The following TTC6 variants were observed in gnomAD, a reference collection of about 807,000 sequenced individuals.
TTC6 encodes the protein tetratricopeptide repeat protein 6.
A neutral mutation model predicts 210.4 loss-of-function variants in TTC6; 172 were observed. That is an observed-to-expected ratio of 0.82 (90% confidence interval 0.72 to 0.93). The LOEUF (loss-of-function observed/expected upper bound fraction) is 0.93. Ranked by LOEUF, TTC6 falls within the 40% of genes least tolerant of loss-of-function variation. The pLI, the probability that TTC6 is intolerant of heterozygous loss-of-function variation, is 0.00. For missense variants in TTC6, 2,414 were observed against 2,318.1 expected (o/e 1.04, Z -0.85); for synonymous variants, 804 against 819.6 (o/e 0.98, Z 0.32).
At chr14:37,634,579 G>A (rs536862722) in intron 1 of TTC6, among the ~76,000 whole-genome samples, 2 of 152,210 alleles carry the variant, frequency 1.3e-5, no homozygotes, top group Admixed American at 1.3e-4. Flanking sequence ...AGAAATAATG[G>A]CTAGAAACTT....
At chr14:37,659,654 G>A (rs1447686077) in intron 1 of TTC6, among the ~76,000 whole-genome samples, 1 of 152,034 alleles carries the variant, frequency 6.6e-6, no homozygotes, top group African/African-American at 2.4e-5. Flanking sequence ...CCGAACAACT[G>A]GGATTACAGG....
At chr14:37,682,732 T>C (rs1374442537) in intron 2 of TTC6, 26 bp from the exon 5 acceptor site, 1 of 1,528,106 alleles carries the variant, frequency 6.5e-7, no homozygotes, top group Non-Finnish European at 8.8e-7. Context: ...AAAAAAGCAT[T>C]CTTGCACATT....
chr14:37,650,479 G>A (rs1296661233), intron 1 of TTC6, among the ~76,000 whole-genome samples: 2 of 152,146 alleles, frequency 1.3e-5, no homozygotes, highest in Non-Finnish European at 2.9e-5. Flanking sequence ...TTAGAAACTA[G>A]ATAAATAAGC....
intron 5 of TTC6, among the ~76,000 whole-genome samples, chr14:37,705,935 C>T (rs1466068899): frequency 6.6e-6 from 1 of 152,118 alleles, no homozygotes; most frequent in Non-Finnish European, 1.5e-5. Context: ...GCATCACCAT[C>T]ACCTGGGAAC....
intron 3 of TTC6, among the ~76,000 whole-genome samples, chr14:37,691,350 C>CA (rs1197087110): frequency 6.6e-6 from 1 of 151,620 alleles, no homozygotes; most frequent in Admixed American, 6.6e-5. Flanking sequence ...AAACAACAAA[C>CA]AAAAAAACAC....
At chr14:37,636,880 G>T (rs975673306) in intron 1 of TTC6, among the ~76,000 whole-genome samples, 1 of 152,186 alleles carries the variant, frequency 6.6e-6, no homozygotes, top group Non-Finnish European at 1.5e-5. Flanking sequence ...AAAAAAGTGG[G>T]AGGTATCAGT....
chr14:37,828,057 A>G (rs1184476787), intron 29 of TTC6, among the ~76,000 whole-genome samples: 2 of 151,960 alleles, frequency 1.3e-5, no homozygotes, highest in Admixed American at 6.6e-5. Context: ...CTTAATTTAT[A>G]CTTTTTCCAA....
At chr14:37,737,824 C>A in intron 9 of TTC6, 90 bp downstream of exon 11, 1 of 648,744 alleles carries the variant, frequency 1.5e-6, no homozygotes, top group Non-Finnish European at 2.5e-6. Context: ...AAAGCATCTA[C>A]TTCTATATTA....
At chr14:37,768,118 C>T (rs1019656649) in intron 14 of TTC6, among the ~76,000 whole-genome samples, 47 of 150,760 alleles carry the variant, frequency 3.1e-4, no homozygotes, top group African/African-American at 6.3e-4. Flanking sequence ...TGTAGATATG[C>T]GGCGTTATTT....
chr14:37,821,187 C>T (rs1224428904), intron 26 of TTC6, among the ~76,000 whole-genome samples: 1 of 151,938 alleles, frequency 6.6e-6, no homozygotes, highest in East Asian at 1.9e-4. Flanking sequence ...CATGACTCAG[C>T]CTCCTAAGTA....
intron 15 of TTC6, 148 bp downstream of exon 17, chr14:37,787,785 C>T (rs1010151511): frequency 3.6e-6 from 2 of 555,586 alleles, no homozygotes; most frequent in Admixed American, 3.7e-5. Flanking sequence ...ATTACATGAG[C>T]TTACGCATTT....
In TTC6 at chr14:37,606,956, C is replaced by T. The variant is rs190483449; in HGVS notation, c.-155+214C>T. 5.0e-3 allele frequency among the ~76,000 whole-genome samples: 760 copies of T among 152,298 alleles called. 10 individuals carry two copies. Among genetic ancestry groups the T allele is most frequent in the Non-Finnish European group, 6.3e-3 (427 of 68,034 alleles). ...TTTGCCATTTTAATTTGCTGATTTG[C>T]ATTTGACATAATTGTTAAAGTAACT... On this transcript the variant is annotated intron_variant, in intron 2 of 2. Transcript: ENST00000556845.
At chr14:37,637,387 G>A (rs2095683055) in intron 1 of TTC6, among the ~76,000 whole-genome samples, 4 of 152,150 alleles carry the variant, frequency 2.6e-5, no homozygotes, top group Admixed American at 2.6e-4. Context: ...TGTGGACTGG[G>A]AGGAAATATT....
Position 37,655,591 on chromosome 14 carries a change from A to G in TTC6, c.940-24560A>G, listed in dbSNP as rs1481785579. Among the ~76,000 whole-genome samples the G allele has an allele frequency of 2.6e-5, 4 of 152,254 alleles. No individual in the cohort carries two copies. The East Asian group carries it at 7.7e-4, about 29-fold the overall frequency. ...TAAAGGTATGTGACTTCCCTGTTCT[A>G]GATTTTTATTTTCCTAACAGCTCCT... On this transcript the variant is annotated intron_variant, in intron 1 of 30. Coordinates refer to ENST00000553443, the Ensembl canonical transcript of TTC6.
intron 7 of TTC6, 64 bp downstream of exon 9, chr14:37,725,066 A>G (rs2095868971): frequency 2.1e-6 from 2 of 961,224 alleles, no homozygotes; most frequent in Admixed American, 5.7e-5. Flanking sequence ...TAAATTGTAT[A>G]ATTGGCTATG....
At chr14:37,702,061 A>T (rs12884692) in intron 5 of TTC6, among the ~76,000 whole-genome samples, 3,587 of 152,298 alleles carry the variant, frequency 0.024, 65 homozygotes, top group Middle Eastern at 0.041. Context: ...CATCCTCAAA[A>T]GAAAGGAGAA....
exon 1 of TTC6, chr14:37,622,464 A>G: frequency 6.5e-7 from 1 of 1,535,166 alleles, no homozygotes; most frequent in South Asian, 1.2e-5. Context: ...CCAGGCCCTG[A>G]AAAAGCCCCC....
intron 8 of TTC6, among the ~76,000 whole-genome samples, chr14:37,736,427 AT>A (rs1444244211): frequency 2.6e-5 from 4 of 152,054 alleles, no homozygotes; most frequent in Non-Finnish European, 5.9e-5. Context: ...CTGAAGATAC[AT>A]TTCTACTTTC....
intron 30 of TTC6, 147 bp from the exon 33 acceptor site, chr14:37,842,008 G>A: frequency 4.4e-6 from 3 of 681,754 alleles, no homozygotes; most frequent in South Asian, 2.8e-5. Flanking sequence ...TTGAAGAAAA[G>A]TGTTTTCAAA....
Sources: gnomAD v4.1 joint callset for allele counts (sites outside exome capture counted in the v4.1 genomes callset) on GRCh38, gnomAD v4.1.1 for gene constraint, MANE v1.5 for transcripts, NCBI Gene and HGNC (gene_info 2026-07-23, HGNC 2026-07-21) for gene names.